Variants in DEPDC5 observed in about 807,000 individuals in gnomAD.
The protein encoded by DEPDC5 is GATOR1 complex protein DEPDC5.
A neutral mutation model predicts 217.3 loss-of-function variants in DEPDC5; 73 were observed. The observed-to-expected ratio is 0.34, with a 90% confidence interval of 0.28 to 0.41. The LOEUF is 0.41. Among genes scored for constraint, DEPDC5 ranks in the 10% least tolerant of loss-of-function variants. The pLI, the probability that DEPDC5 is intolerant of heterozygous loss-of-function variation, is 1.00. For missense variants in DEPDC5, 1,675 were observed against 2,070.1 expected, an observed-to-expected ratio of 0.81 and a Z score of 3.70; for synonymous variants, 733 against 756.7, an observed-to-expected ratio of 0.97 and a Z score of 0.51.
rs150861507 is a variant in DEPDC5 at position 31,846,713 on chromosome 22, TC to T, written c.3022-119del. ...CTTACTGAACACTGAGAACCTGTGT[TC>T]CTTGACCCTGTCCATGGGATTCCCG... On this transcript the variant is annotated intron_variant, in intron 30 of 42. Transcript: ENST00000651528. The T allele has an allele frequency of 1.8e-3, 2,569 of 1,408,244 alleles. 38 individuals are homozygous for T. In the African/African-American group the frequency reaches 0.032, roughly 18 times the overall value. 87.2% of individuals were successfully genotyped at this position (1,408,244 alleles called of 1,614,324 possible). A position where few individuals can be genotyped will look rare whatever the true frequency, so the allele number is the denominator to read the frequency against.
rs781158024 is a variant in DEPDC5 at position 31,873,189 on chromosome 22, T to G, written c.3486-66T>G. On this transcript the variant is annotated intron_variant, in intron 34 of 42. Transcript: ENST00000651528. ...CTCCATAGGAAGTGGAGACTGTTCC[T>G]AATATTCGTGCTCTTGACTGCATAC... 1.7e-5 allele frequency: 28 copies of G among 1,612,134 alleles called. No homozygotes were observed. Among genetic ancestry groups the G allele is most frequent in the South Asian group, 2.2e-5 (2 of 90,902 alleles).
At chr22:31,857,726 C>A in intron 32 of DEPDC5, 173 bp downstream of exon 32, 1 of 527,340 alleles carries the variant, frequency 1.9e-6, no homozygotes, top group South Asian at 2.8e-5. Context: ...TAGGGACTTT[C>A]TTATTCACAG....
chr22:31,794,609 G>C (rs1405764984), intron 12 of DEPDC5, among the ~76,000 whole-genome samples: 1 of 152,080 alleles, frequency 6.6e-6, no homozygotes, highest in Non-Finnish European at 1.5e-5. Flanking sequence ...AATAGGCCAG[G>C]CGTGGTGGCT....
intron 20 of DEPDC5, 83 bp downstream of exon 20, chr22:31,810,724 A>C: frequency 6.4e-7 from 1 of 1,551,520 alleles, no homozygotes; most frequent in South Asian, 1.2e-5. Context: ...TAAGAGAGCA[A>C]CCTTGAAAAT....
chr22:31,797,748 T>C, intron 13 of DEPDC5, 45 bp downstream of exon 13: 1 of 1,433,748 alleles, frequency 7.0e-7, no homozygotes, highest in East Asian at 2.3e-5. Context: ...AAAGGAAGTG[T>C]AGGAGGGGTC....
At chr22:31,819,290 T>C (rs2089455296) in intron 22 of DEPDC5, 65 bp downstream of exon 22, 2 of 1,567,302 alleles carry the variant, frequency 1.3e-6, no homozygotes, top group Admixed American at 3.4e-5. Flanking sequence ...TCAGTGTCGG[T>C]CACCCATGTG....
chr22:31,849,298 C>T (rs535241258), intron 31 of DEPDC5, among the ~76,000 whole-genome samples: 4 of 152,190 alleles, frequency 2.6e-5, no homozygotes, highest in African/African-American at 9.6e-5. Context: ...TCTTATGCTA[C>T]TAATAAAGAC....
At chr22:31,760,580 C>A in intron 3 of DEPDC5, 76 bp from the exon 4 acceptor site, 1 of 1,310,270 alleles carries the variant, frequency 7.6e-7, no homozygotes, top group Non-Finnish European at 1.1e-6. Flanking sequence ...GACCTATTTG[C>A]CTTTTGTCGG....
chr22:31,804,018 G>A, intron 15 of DEPDC5, 144 bp from the exon 16 acceptor site: 1 of 692,174 alleles, frequency 1.4e-6, no homozygotes, highest in Non-Finnish European at 2.4e-6. Flanking sequence ...CTTCTTTGTT[G>A]GATAGGCAGC....
At chr22:31,810,423 T>G in intron 19 of DEPDC5, 98 bp from the exon 20 acceptor site, 1 of 1,556,498 alleles carries the variant, frequency 6.4e-7, no homozygotes, top group Non-Finnish European at 8.7e-7. Flanking sequence ...CTGTTTGAAA[T>G]GTATTTGGAT....
At chr22:31,796,272 T>C (rs1245737465) in intron 12 of DEPDC5, among the ~76,000 whole-genome samples, 2 of 151,930 alleles carry the variant, frequency 1.3e-5, no homozygotes, top group Non-Finnish European at 2.9e-5. Context: ...GGCTAATTTT[T>C]TTTGTATTTT....
At chr22:31,785,933 A>G (rs1280337418) in intron 10 of DEPDC5, among the ~76,000 whole-genome samples, 1 of 152,164 alleles carries the variant, frequency 6.6e-6, no homozygotes, top group Non-Finnish European at 1.5e-5. Context: ...CTCAAATCAT[A>G]TATGAAATGT....
At chr22:31,894,687 A>G (rs1178624194) in intron 39 of DEPDC5, 1 of 152,050 alleles carries the variant, frequency 6.6e-6, no homozygotes, top group African/African-American at 2.4e-5. Context: ...TCTACTGAAA[A>G]TACAAAAATT....
chr22:31,833,395 T>G (rs1330463469), intron 24 of DEPDC5, among the ~76,000 whole-genome samples: 2 of 152,226 alleles, frequency 1.3e-5, no homozygotes, highest in African/African-American at 2.4e-5. Context: ...TGTGTCATAT[T>G]GTAGAAAGCC....
intron 15 of DEPDC5, among the ~76,000 whole-genome samples, chr22:31,803,167 G>A (rs889380733): frequency 6.6e-6 from 1 of 151,976 alleles, no homozygotes; most frequent in African/African-American, 2.4e-5. Context: ...AAGCCTTCCT[G>A]GAGGGATGAT....
intron 8 of DEPDC5, among the ~76,000 whole-genome samples, chr22:31,778,805 G>A (rs976928974): frequency 2.6e-5 from 4 of 152,064 alleles, no homozygotes; most frequent in African/African-American, 7.2e-5. Flanking sequence ...ACCTTTTCTC[G>A]TTCCCATCTC....
chr22:31,758,433 T>A, intron 2 of DEPDC5, 113 bp from the exon 3 acceptor site: 1 of 865,394 alleles, frequency 1.2e-6, no homozygotes, highest in Non-Finnish European at 1.9e-6. Context: ...TAGAACCTCA[T>A]CTGTCAATGG....
At chr22:31,794,521 C>A (rs951060367) in intron 12 of DEPDC5, among the ~76,000 whole-genome samples, 1 of 152,100 alleles carries the variant, frequency 6.6e-6, no homozygotes, top group Non-Finnish European at 1.5e-5. Flanking sequence ...TCATCCTCAA[C>A]GTTTTTTAGA....
chr22:31,759,528 C>T (rs1364027650), intron 3 of DEPDC5, among the ~76,000 whole-genome samples: 2 of 151,264 alleles, frequency 1.3e-5, no homozygotes, highest in East Asian at 2.0e-4. Flanking sequence ...CGCGTGCCAC[C>T]ATGCTTGGCT....
Sources: gnomAD v4.1 joint callset for allele counts (sites outside exome capture counted in the v4.1 genomes callset) on GRCh38, gnomAD v4.1.1 for gene constraint, MANE v1.5 for transcripts, NCBI Gene and HGNC (gene_info 2026-07-23, HGNC 2026-07-21) for gene names.